FGF14: variants seen among roughly 807,000 people sequenced by gnomAD.
FGF14 encodes fibroblast growth factor homologous factor 4.
Under a neutral mutation model 25.5 loss-of-function variants are expected in FGF14, and 5 were observed. The ratio of observed to expected loss-of-function variants is 0.20; its 90% CI spans 0.10 to 0.41. The LOEUF (loss-of-function observed/expected upper bound fraction) is 0.41. Ranked by LOEUF, FGF14 falls within the 10% of genes least tolerant of loss-of-function variation. The probability of loss-of-function intolerance (pLI) is 1.00; values close to 1 mark genes in which losing one functional copy is unlikely to be tolerated. For synonymous variants in FGF14, 138 were observed against 118.3 expected, an observed-to-expected ratio of 1.17 and a Z score of -1.08; for missense variants, 222 against 320.1, an observed-to-expected ratio of 0.69 and a Z score of 2.34.
intron 1 of FGF14, among the ~76,000 whole-genome samples, chr13:102,230,861 G>T (rs983243545): frequency 4.6e-5 from 7 of 152,078 alleles, no homozygotes; most frequent in African/African-American, 1.7e-4. Context: ...AATTATAGAT[G>T]GATAAAGCCA....
Position 101,937,243 on chromosome 13 carries a change from T to C in FGF14, c.209-61947A>G, listed in dbSNP as rs1052423495. ...TTCCCAGTAATCTGTGGTACTGACA[T>C]GGAAGCTAATTGTTACAGGCTGAAT... On this transcript the variant is annotated intron_variant, in intron 1 of 4. Transcript: ENST00000376131. Among the ~76,000 whole-genome samples, 6 of 152,322 alleles carry C rather than the reference T, an allele frequency of 3.9e-5. No individual in the cohort carries two copies. In the South Asian group the frequency reaches 8.3e-4, roughly 21 times the overall value.
At chr13:101,814,843 T>C (rs1325564937) in intron 3 of FGF14, among the ~76,000 whole-genome samples, 1 of 152,228 alleles carries the variant, frequency 6.6e-6, no homozygotes, top group Non-Finnish European at 1.5e-5. Context: ...CTATGAATAA[T>C]AGAGCCATAA....
chr13:102,282,044 G>C (rs757642432), intron 1 of FGF14, among the ~76,000 whole-genome samples: 4 of 148,218 alleles, frequency 2.7e-5, no homozygotes, highest in Non-Finnish European at 5.9e-5. Flanking sequence ...TGACCTTGCC[G>C]CTTCTCCTAA....
At chr13:102,024,104 A>G (rs928228684) in intron 1 of FGF14, among the ~76,000 whole-genome samples, 1 of 152,120 alleles carries the variant, frequency 6.6e-6, no homozygotes, top group African/African-American at 2.4e-5. Flanking sequence ...CAAGTTTTAC[A>G]TGAACATGTG....
chr13:101,898,183 T>C (rs150127263), intron 1 of FGF14, among the ~76,000 whole-genome samples: 1 of 152,246 alleles, frequency 6.6e-6, no homozygotes, highest in African/African-American at 2.4e-5. Context: ...GCATGAGCCA[T>C]GGCACCTTGA....
chr13:102,161,706 G>GTACCCC (rs1480990320), intron 1 of FGF14, among the ~76,000 whole-genome samples: 11 of 148,830 alleles, frequency 7.4e-5, no homozygotes, highest in Middle Eastern at 3.4e-3. Flanking sequence ...AGAAGAAGAA[G>GTACCCC]AAGAAGAAGA....
intron 1 of FGF14, among the ~76,000 whole-genome samples, chr13:102,378,601 ATC>A (rs1349891750): frequency 1.3e-4 from 17 of 128,500 alleles, no homozygotes; most frequent in Admixed American, 3.9e-4. Flanking sequence ...ATCTATATCT[ATC>A]TATCTATCTA....
intron 1 of FGF14, among the ~76,000 whole-genome samples, chr13:102,370,161 T>C (rs571890952): frequency 6.6e-6 from 1 of 151,990 alleles, no homozygotes; most frequent in East Asian, 1.9e-4. Context: ...CCAGCTAATT[T>C]TTTAAATTTT....
intron 1 of FGF14, among the ~76,000 whole-genome samples, chr13:102,364,345 A>C (rs2057650293): frequency 6.6e-6 from 1 of 152,186 alleles, no homozygotes; most frequent in Non-Finnish European, 1.5e-5. Flanking sequence ...CATGGTTTTG[A>C]AATGTGTATA....
rs749126207 is a variant in FGF14 at position 102,400,032 on chromosome 13, G to T, written c.208+1439C>A. 1.6e-4 allele frequency among the ~76,000 whole-genome samples: 25 copies of T among 151,814 alleles called. No individual in the cohort carries two copies. The highest frequency in any genetic ancestry group is 2.9e-4 in the Non-Finnish European group (20 of 67,928). ...GTGGCCGCAAACGGTCTCAGCCTCC[G>T]CACCCACCGCCTCCGTCCCCGCCCA... On this transcript the variant is annotated intron_variant, in intron 1 of 4. Transcript: ENST00000376131. This position sits in a 1 kb window ranked among gnomAD's most constrained non-coding sequence, Gnocchi z 4.3.
chr13:102,377,484 A>G (rs961052774), intron 1 of FGF14, among the ~76,000 whole-genome samples: 11 of 152,216 alleles, frequency 7.2e-5, no homozygotes, highest in African/African-American at 2.7e-4. Flanking sequence ...ATTAGAGTAC[A>G]TACAAGAAAA....
At chr13:101,992,115 G>A (rs1334964617) in intron 1 of FGF14, among the ~76,000 whole-genome samples, 3 of 152,074 alleles carry the variant, frequency 2.0e-5, no homozygotes, top group Non-Finnish European at 4.4e-5. Flanking sequence ...GCCTACAGAT[G>A]CTTTCACTCC....
intron 1 of FGF14, among the ~76,000 whole-genome samples, chr13:102,344,685 A>G (rs1195394205): frequency 6.6e-6 from 1 of 152,270 alleles, no homozygotes; most frequent in Non-Finnish European, 1.5e-5. Flanking sequence ...ATAAGAGATC[A>G]TTGCCCTCTC....
intron 1 of FGF14, among the ~76,000 whole-genome samples, chr13:101,893,346 C>T (rs1434649981): frequency 6.6e-6 from 1 of 152,186 alleles, no homozygotes; most frequent in Non-Finnish European, 1.5e-5. Context: ...CAGCCAAGTG[C>T]TGCTATGGCA....
intron 1 of FGF14, among the ~76,000 whole-genome samples, chr13:102,096,571 G>C (rs145974667): frequency 3.5e-4 from 53 of 152,238 alleles, no homozygotes; most frequent in African/African-American, 1.2e-3. Flanking sequence ...TTTACTTATT[G>C]TAACAACCAA....
At chr13:102,109,047 T>G (rs1454495066) in intron 1 of FGF14, among the ~76,000 whole-genome samples, 1 of 152,162 alleles carries the variant, frequency 6.6e-6, no homozygotes, top group South Asian at 2.1e-4. Context: ...CACATAAACA[T>G]ATAAGTAAAG....
At chr13:101,892,901 T>C (rs1279702862) in intron 1 of FGF14, among the ~76,000 whole-genome samples, 1 of 151,098 alleles carries the variant, frequency 6.6e-6, no homozygotes, top group East Asian at 1.9e-4. Flanking sequence ...TCTTGGGAGG[T>C]CTGTTAATTA....
chr13:101,823,740 C>A (rs2042271499), intron 3 of FGF14, among the ~76,000 whole-genome samples: 1 of 150,324 alleles, frequency 6.7e-6, no homozygotes, highest in Non-Finnish European at 1.5e-5. Flanking sequence ...CCCAGCCTAT[C>A]ATTATATATT....
At chr13:102,056,759 A>T (rs2042448500) in intron 1 of FGF14, among the ~76,000 whole-genome samples, 1 of 149,980 alleles carries the variant, frequency 6.7e-6, no homozygotes, top group Non-Finnish European at 1.5e-5. Flanking sequence ...TTGTTTATAT[A>T]TATGTAAAAT....
Sources: allele counts gnomAD v4.1 joint callset (sites outside exome capture counted in the v4.1 genomes callset), GRCh38; gene constraint gnomAD v4.1.1; non-coding constraint Gnocchi (gnomAD v3.1); transcripts MANE v1.5; gene names NCBI Gene and HGNC (gene_info 2026-07-23, HGNC 2026-07-21).